PCDH15: variants seen among roughly 807,000 people sequenced by gnomAD.
PCDH15 encodes protocadherin related 15, also known as protocadherin-15.
Under a neutral mutation model 178.5 loss-of-function variants are expected in PCDH15, and 129 were observed. The observed-to-expected ratio is 0.72, with a 90% CI of 0.63 to 0.84. The LOEUF (loss-of-function observed/expected upper bound fraction) is 0.84. Ranked by LOEUF, PCDH15 falls within the 40% of genes least tolerant of loss-of-function variation. The pLI, the probability that PCDH15 is intolerant of heterozygous loss-of-function variation, is 0.00. For missense variants in PCDH15, 2,230 were observed against 2,099.9 expected (o/e 1.06, Z -1.21); for synonymous variants, 800 against 732.0 (o/e 1.09, Z -1.50).
intron 1 of PCDH15, among the ~76,000 whole-genome samples, chr10:54,680,535 G>A (rs1402281367): frequency 6.6e-6 from 1 of 152,028 alleles, no homozygotes; most frequent in Non-Finnish European, 1.5e-5. Flanking sequence ...GGTGTAAAGG[G>A]AGTGATATGC....
chr10:54,289,801 T>C (rs193236929), intron 8 of PCDH15, among the ~76,000 whole-genome samples: 31 of 152,186 alleles, frequency 2.0e-4, no homozygotes, highest in African/African-American at 5.8e-4. Context: ...GTATCAGTGA[T>C]TGGAGATCAA....
chr10:54,038,795 A>G (rs1393318277), intron 18 of PCDH15, among the ~76,000 whole-genome samples: 1 of 151,992 alleles, frequency 6.6e-6, no homozygotes, highest in African/African-American at 2.4e-5. Flanking sequence ...TTTTTTTCTT[A>G]GAGTATAAAA....
At chr10:53,977,253 G>A (rs1161371897) in intron 21 of PCDH15, among the ~76,000 whole-genome samples, 2 of 152,022 alleles carry the variant, frequency 1.3e-5, no homozygotes, top group South Asian at 2.1e-4. Flanking sequence ...GCTTCCTTGG[G>A]CCACATTGGA....
intron 2 of PCDH15, among the ~76,000 whole-genome samples, chr10:54,615,904 T>C (rs2093128551): frequency 6.6e-6 from 1 of 152,072 alleles, no homozygotes; most frequent in Admixed American, 6.6e-5. Flanking sequence ...CGATGGATAC[T>C]TAGTCTTAAT....
chr10:55,197,446 T>C (rs889596088), intron 1 of PCDH15, among the ~76,000 whole-genome samples: 4 of 152,086 alleles, frequency 2.6e-5, no homozygotes, highest in African/African-American at 9.7e-5. Context: ...ATAATTCCAC[T>C]ATAAGTTTCA....
chr10:54,657,955 T>C (rs2094435932), intron 2 of PCDH15, among the ~76,000 whole-genome samples: 1 of 152,172 alleles, frequency 6.6e-6, no homozygotes, highest in South Asian at 2.1e-4. Context: ...GCAAAATAGC[T>C]ATATTAGAAA....
chr10:53,909,181 G>A (rs1415786180), intron 25 of PCDH15, among the ~76,000 whole-genome samples: 1 of 151,940 alleles, frequency 6.6e-6, no homozygotes, highest in African/African-American at 2.4e-5. Context: ...GTTTTATAAG[G>A]GGTGCTTCCC....
At chr10:55,154,054 G>T (rs1188879246) in intron 2 of PCDH15, among the ~76,000 whole-genome samples, 1 of 151,998 alleles carries the variant, frequency 6.6e-6, no homozygotes, top group African/African-American at 2.4e-5. Flanking sequence ...TCATTAAATG[G>T]GTCGCTCCTA....
At chr10:55,399,717 C>T (rs1838019407) in intron 2 of PCDH15, among the ~76,000 whole-genome samples, 1 of 151,964 alleles carries the variant, frequency 6.6e-6, no homozygotes, top group Admixed American at 6.6e-5. Context: ...TTGTGCTGTT[C>T]AAGGGCAAAA....
intron 25 of PCDH15, among the ~76,000 whole-genome samples, chr10:53,925,347 G>T (rs1434778071): frequency 6.6e-6 from 1 of 152,080 alleles, no homozygotes; most frequent in Non-Finnish European, 1.5e-5. Flanking sequence ...TTACCGCGAA[G>T]GTCTGCAGTT....
At chr10:55,462,249 A>T (rs981582293) in intron 2 of PCDH15, among the ~76,000 whole-genome samples, 1 of 152,116 alleles carries the variant, frequency 6.6e-6, no homozygotes. Flanking sequence ...CATTTATATG[A>T]CCAAACTTGG....
At chr10:54,232,444 A>ATTTATAGCAGT (rs1364576288) in intron 9 of PCDH15, among the ~76,000 whole-genome samples, 1 of 152,234 alleles carries the variant, frequency 6.6e-6, no homozygotes, top group East Asian at 1.9e-4. Context: ...GCAGTGCAAG[A>ATTTATAGCAGT]ACAGACTAAC....
At chr10:54,574,017 C>T (rs1456453691) in intron 2 of PCDH15, among the ~76,000 whole-genome samples, 1 of 152,150 alleles carries the variant, frequency 6.6e-6, no homozygotes, top group African/African-American at 2.4e-5. Context: ...TTTGCAGAAG[C>T]TCTTTAGTTT....
intron 13 of PCDH15, among the ~76,000 whole-genome samples, chr10:54,156,428 G>A (rs2045155909): frequency 6.6e-6 from 1 of 152,136 alleles, no homozygotes; most frequent in Admixed American, 6.5e-5. Flanking sequence ...CATCTTATGT[G>A]GCGGCAGACA....
chr10:54,571,643 C>A (rs12248677), intron 2 of PCDH15, among the ~76,000 whole-genome samples: 22,873 of 152,036 alleles, frequency 0.15, 1,758 homozygotes, highest in Non-Finnish European at 0.16. Context: ...GAAAAATAAG[C>A]TCTTCAGAGG....
intron 9 of PCDH15, among the ~76,000 whole-genome samples, chr10:54,234,563 A>G (rs2134357578): frequency 6.6e-6 from 1 of 152,246 alleles, no homozygotes; most frequent in East Asian, 1.9e-4. Flanking sequence ...AAAAGAAGAA[A>G]ATAAGAAGGA....
intron 3 of PCDH15, among the ~76,000 whole-genome samples, chr10:54,392,468 CAA>C (rs71007849): frequency 0.044 from 2,862 of 65,522 alleles, 14 homozygotes; most frequent in Admixed American, 0.11. Context: ...GAGGCTGTCT[CAA>C]AAAAAAAAAA....
intron 1 of PCDH15, among the ~76,000 whole-genome samples, chr10:54,731,169 A>C (rs58112257): frequency 0.017 from 2,597 of 151,408 alleles, 75 homozygotes; most frequent in African/African-American, 0.058. Context: ...AAAATTGTTC[A>C]ACATCACTAG....
chr10:55,393,823 C>T (rs1407608611), intron 2 of PCDH15, among the ~76,000 whole-genome samples: 1 of 152,100 alleles, frequency 6.6e-6, no homozygotes, highest in African/African-American at 2.4e-5. Flanking sequence ...AGAAGCTGTG[C>T]ACAAATGTCT....
Sources: allele counts gnomAD v4.1 joint callset (sites outside exome capture counted in the v4.1 genomes callset), GRCh38; gene constraint gnomAD v4.1.1; transcripts MANE v1.5; gene names NCBI Gene and HGNC (gene_info 2026-07-23, HGNC 2026-07-21).